NSD2: variants seen among roughly 807,000 people sequenced by gnomAD.
NSD2 encodes histone-lysine N-methyltransferase NSD2.
NSD2 carries 12 observed loss-of-function variants against 139.0 expected under a neutral mutation model. That is an observed-to-expected ratio of 0.09 (90% CI 0.06 to 0.14). The LOEUF is 0.14. Among genes scored for constraint, NSD2 ranks in the 10% least tolerant of loss-of-function variants. The probability of loss-of-function intolerance (pLI) is 1.00; values close to 1 mark genes in which losing one functional copy is unlikely to be tolerated. For synonymous variants in NSD2, 669 were observed against 648.7 expected (o/e 1.03, Z -0.48); for missense variants, 1,155 against 1,745.0 (o/e 0.66, Z 6.02).
intron 12 of NSD2, 86 bp downstream of exon 12, chr4:1,953,610 G>C (rs1302041515): frequency 6.1e-6 from 9 of 1,466,980 alleles, no homozygotes; most frequent in African/African-American, 1.4e-5. Flanking sequence ...TGGGCTGTTG[G>C]GATTGTCACC....
chr4:1,959,112 C>G (rs750496613), intron 16 of NSD2, among the ~76,000 whole-genome samples: 2 of 152,202 alleles, frequency 1.3e-5, no homozygotes, highest in Non-Finnish European at 2.9e-5. Flanking sequence ...GAGCTCTTAC[C>G]AGCGTTTGCT....
At chr4:1,947,363 T>C (rs998752868) in intron 9 of NSD2, 10 of 1,061,612 alleles carry the variant, frequency 9.4e-6, no homozygotes, top group African/African-American at 8.2e-5. Context: ...TGGCTACGGC[T>C]ACACAAAAGC....
rs1726836034 is a variant in NSD2 at position 1,974,353 on chromosome 4, G to A, written c.3373-510G>A. ...AGCCTCCCGAGTAGCTGAGATTACAGGCAGCCACCACCACGCCCAGCTAAT... is the reference window on the plus strand; with the variant it reads ...AGCCTCCCGAGTAGCTGAGATTACAAGCAGCCACCACCACGCCCAGCTAAT... On this transcript the variant is annotated intron_variant, in intron 18 of 21. Transcript: ENST00000508803. The surrounding 1 kb of genome is among the most constrained non-coding windows in gnomAD (Gnocchi z 4.0). 6.6e-6 allele frequency among the ~76,000 whole-genome samples: 1 copy of A among 152,060 alleles called. No homozygotes were observed. The highest frequency in any genetic ancestry group is 2.4e-5 in the African/African-American group (1 of 41,396).
At chr4:1,943,620 C>T in intron 9 of NSD2, 1 of 1,048,448 alleles carries the variant, frequency 9.5e-7, no homozygotes, top group Admixed American at 5.5e-5. Context: ...TCTATTGGCT[C>T]TGCTCAAATG....
At chr4:1,921,638 C>T (rs902905916) in intron 5 of NSD2, among the ~76,000 whole-genome samples, 12 of 151,050 alleles carry the variant, frequency 7.9e-5, no homozygotes, top group Non-Finnish European at 1.2e-4. Context: ...AAAATTTTAC[C>T]AGCTGTGGTG....
rs553627885 is a variant in NSD2 at position 1,969,576 on chromosome 4, A to G, written c.3373-5287A>G. Among the ~76,000 whole-genome samples, 4 of 151,596 alleles carry G rather than the reference A, an allele frequency of 2.6e-5. No homozygotes were observed. In the South Asian group the frequency reaches 6.2e-4, roughly 24 times the overall value. ...AAAAAAAATAGCTGGGCACAGTGGC[A>G]TGTGCCTGTTGTCCCAGCTACTCAG... On this transcript the variant is annotated intron_variant, in intron 18 of 21. Coordinates refer to ENST00000508803, the MANE Select transcript of NSD2 (RefSeq NM_001042424.3).
intron 1 of NSD2, among the ~76,000 whole-genome samples, chr4:1,899,888 T>C (rs974803539): frequency 8.5e-5 from 13 of 152,236 alleles, no homozygotes; most frequent in African/African-American, 3.1e-4. Context: ...AAATGTGACC[T>C]TACTGCTGTG....
intron 2 of NSD2, among the ~76,000 whole-genome samples, chr4:1,902,384 C>T (rs1560597614): frequency 2.0e-5 from 3 of 152,096 alleles, no homozygotes; most frequent in East Asian, 3.9e-4. Flanking sequence ...CCACTATATG[C>T]CCAGTTAATT....
chr4:1,879,751 C>T (rs1371392922), intron 1 of NSD2, among the ~76,000 whole-genome samples: 2 of 151,832 alleles, frequency 1.3e-5, no homozygotes, highest in African/African-American at 4.8e-5. Flanking sequence ...TTTTATGGCT[C>T]ACCTCTCATC....
In NSD2 at chr4:1,981,348, G is replaced by A. The variant is rs1466964569; in HGVS notation, c.*2439G>A. 1.3e-5 allele frequency: 3 copies of A among 233,362 alleles called. No homozygotes were observed. The highest frequency in any genetic ancestry group is 2.5e-5 in the Non-Finnish European group (3 of 118,170). 14.5% of individuals were successfully genotyped at this position (233,362 alleles called of 1,614,324 possible). On this transcript the variant is annotated 3_prime_UTR_variant, in exon 22 of 22. Transcript: ENST00000508803. ...GCCACTGGGGCTGACCACGCCCCCAGCTGTGACCGTGGGTGTGGCTGGCTC... is the reference window on the plus strand; with the variant it reads ...GCCACTGGGGCTGACCACGCCCCCAACTGTGACCGTGGGTGTGGCTGGCTC...
At chr4:1,883,661 C>T (rs1488274802) in intron 1 of NSD2, among the ~76,000 whole-genome samples, 1 of 151,812 alleles carries the variant, frequency 6.6e-6, no homozygotes, top group Non-Finnish European at 1.5e-5. Flanking sequence ...CGTACCTCCT[C>T]CGCTCTGCTG....
rs193068091 is a variant in NSD2, at chr4:1,930,341, T to C, written c.1411-285T>C. ...TGGGTCTTAAGTGAGTTAGTGGTTT[T>C]GGAAAAGTATATATATATTTTTATC... On this transcript the variant is annotated intron_variant, in intron 5 of 21. Coordinates refer to ENST00000508803, the MANE Select transcript of NSD2 (RefSeq NM_001042424.3). Among the ~76,000 whole-genome samples the C allele has an allele frequency of 7.9e-5, 12 of 152,350 alleles. No homozygotes were observed. In the East Asian group the frequency reaches 2.3e-3, roughly 29 times the overall value.
rs2109041716 is a variant in NSD2, at chr4:1,980,338, C to T, written c.*1429C>T. ...CCTGAGAAGGGGGCACCATGTGTGC[C>T]TTTGCCCACGTGTCCTGAGGGGCTG... On this transcript the variant is annotated 3_prime_UTR_variant, in exon 22 of 22. Transcript: ENST00000508803. The T allele has an allele frequency of 4.3e-6, 1 of 233,270 alleles. No individual in the cohort carries two copies. The highest frequency in any genetic ancestry group is 1.8e-4 in the South Asian group (1 of 5,524). The allele number at this position is 233,270 out of a possible 1,614,324, so 14.5% of individuals were successfully genotyped here. A position where few individuals can be genotyped will look rare whatever the true frequency, so the allele number is the denominator to read the frequency against.
chr4:1,943,095 T>C, intron 9 of NSD2: 1 of 1,048,132 alleles, frequency 9.5e-7, no homozygotes, highest in South Asian at 4.6e-5. Context: ...GTTGCTTCTA[T>C]AGAGCATCAG....
Position 1,959,951 on chromosome 4 carries a change from C to T in NSD2, c.3255+211C>T, listed in dbSNP as rs991380685. On this transcript the variant is annotated intron_variant, in intron 17 of 21. Coordinates refer to ENST00000508803, the MANE Select transcript of NSD2 (RefSeq NM_001042424.3). ...TTGTAGTTCACTGCAGCCTCAGAAT[C>T]CTGGGCTCAAGCCATCCTCCCACCT... 6.6e-5 allele frequency among the ~76,000 whole-genome samples: 10 copies of T among 152,270 alleles called. No individual in the cohort carries two copies. The South Asian group carries it at 1.0e-3, about 16-fold the overall frequency.
intron 17 of NSD2, among the ~76,000 whole-genome samples, chr4:1,960,785 T>C (rs1725285458): frequency 6.6e-6 from 1 of 152,260 alleles, no homozygotes; most frequent in Non-Finnish European, 1.5e-5. Context: ...GACAAGGTCG[T>C]GTAGGAAGCA....
chr4:1,923,836 A>G (rs184840987), intron 5 of NSD2, among the ~76,000 whole-genome samples: 1 of 152,330 alleles, frequency 6.6e-6, no homozygotes, highest in African/African-American at 2.4e-5. Flanking sequence ...ATTAAAGTGA[A>G]CTCATTGGAT....
intron 19 of NSD2, 38 bp from the exon 20 acceptor site, chr4:1,975,256 G>T (rs550355435): frequency 6.3e-7 from 1 of 1,592,734 alleles, no homozygotes; most frequent in South Asian, 1.1e-5. Flanking sequence ...GAGAAAGGCA[G>T]GTGTTTCCAA....
rs1721365229 is a variant in NSD2, at chr4:1,929,429, A to AC, written c.1411-1197_1411-1196insC. ...CGTTTCACAGAGTGGAGGCAGAGAC[A>AC]GTGCCTTCACTTGCCGAAGTCCACA... On this transcript the variant is annotated intron_variant, in intron 5 of 21. Transcript: ENST00000508803. Among the ~76,000 whole-genome samples the AC allele has an allele frequency of 2.0e-5, 3 of 152,264 alleles. No individual in the cohort carries two copies. The South Asian group carries it at 6.2e-4, about 32-fold the overall frequency.
Sources: gnomAD v4.1 joint callset for allele counts (sites outside exome capture counted in the v4.1 genomes callset) on GRCh38, gnomAD v4.1.1 for gene constraint, Gnocchi (gnomAD v3.1) non-coding constraint, MANE v1.5 for transcripts, NCBI Gene and HGNC (gene_info 2026-07-23, HGNC 2026-07-21) for gene names.